Variants in SLC9C1 observed in about 807,000 individuals in gnomAD.
SLC9C1 encodes the protein solute carrier family 9 member C1.
SLC9C1 carries 97 observed loss-of-function variants against 140.9 expected under a neutral mutation model. The ratio of observed to expected loss-of-function variants is 0.69; its 90% confidence interval spans 0.58 to 0.82. The LOEUF (loss-of-function observed/expected upper bound fraction) is 0.82, where lower values mean the gene tolerates loss of function less well. Ranked by LOEUF, SLC9C1 falls within the 40% of genes least tolerant of loss-of-function variation. SLC9C1 has a pLI of 0.00. For synonymous variants in SLC9C1, 440 were observed against 442.6 expected, an observed-to-expected ratio of 0.99 and a Z score of 0.07; for missense variants, 1,340 against 1,389.3, an observed-to-expected ratio of 0.96 and a Z score of 0.56.
intron 24 of SLC9C1, 66 bp from the exon 25 acceptor site, chr3:112,169,128 G>T (rs2077197067): frequency 2.5e-6 from 4 of 1,576,492 alleles, no homozygotes; most frequent in Non-Finnish European, 3.4e-6. Flanking sequence ...TTCATAAATA[G>T]TCAATTATAA....
intron 10 of SLC9C1, among the ~76,000 whole-genome samples, chr3:112,246,238 G>A (rs1361390205): frequency 3.3e-5 from 5 of 152,012 alleles, no homozygotes; most frequent in Non-Finnish European, 7.4e-5. Flanking sequence ...CTGTACAATC[G>A]CTGCTTAGCA....
intron 15 of SLC9C1, among the ~76,000 whole-genome samples, chr3:112,210,395 A>G (rs1425470129): frequency 6.6e-6 from 1 of 152,236 alleles, no homozygotes; most frequent in Non-Finnish European, 1.5e-5. Context: ...AACACATTCT[A>G]TTATGTGGAT....
intron 26 of SLC9C1, among the ~76,000 whole-genome samples, chr3:112,156,701 C>T (rs573678570): frequency 2.0e-5 from 3 of 151,846 alleles, no homozygotes; most frequent in East Asian, 1.9e-4. Flanking sequence ...AATTTTTTGT[C>T]TTTTTGACAG....
At chr3:112,243,945 A>T (rs776793910) in intron 11 of SLC9C1, 50 bp downstream of exon 11, 2 of 1,263,904 alleles carry the variant, frequency 1.6e-6, no homozygotes, top group Non-Finnish European at 2.2e-6. Flanking sequence ...CTTCTTTACC[A>T]TACTTAGAAT....
intron 20 of SLC9C1, among the ~76,000 whole-genome samples, chr3:112,186,858 T>C (rs550504291): frequency 6.6e-6 from 1 of 152,312 alleles, no homozygotes; most frequent in East Asian, 1.9e-4. Flanking sequence ...AGTAGGATGG[T>C]CTTTTTCATA....
chr3:112,165,044 T>G (rs2077093088), intron 26 of SLC9C1, among the ~76,000 whole-genome samples: 1 of 152,268 alleles, frequency 6.6e-6, no homozygotes, highest in Non-Finnish European at 1.5e-5. Context: ...ACTGATATCC[T>G]TTCTTCCAGT....
chr3:112,181,862 A>G (rs534141997), intron 21 of SLC9C1, among the ~76,000 whole-genome samples: 2 of 152,334 alleles, frequency 1.3e-5, no homozygotes, highest in East Asian at 3.9e-4. Flanking sequence ...TTAGAAAAAC[A>G]TGTAATGTGC....
chr3:112,257,219 C>T (rs193287951), intron 10 of SLC9C1, among the ~76,000 whole-genome samples: 2 of 152,068 alleles, frequency 1.3e-5, no homozygotes, highest in East Asian at 3.9e-4. Context: ...CGTATGGAAC[C>T]AAAAAGAGCC....
At chr3:112,223,268 A>G (rs528779772) in intron 13 of SLC9C1, among the ~76,000 whole-genome samples, 15 of 152,280 alleles carry the variant, frequency 9.9e-5, no homozygotes, top group African/African-American at 2.6e-4. Context: ...GAGCTCAGGA[A>G]TTTGAGACCA....
chr3:112,279,602 G>A (rs943676637), intron 3 of SLC9C1, among the ~76,000 whole-genome samples: 6 of 152,148 alleles, frequency 3.9e-5, no homozygotes, highest in Non-Finnish European at 5.9e-5. Context: ...ATTGGCTATG[G>A]CTTATATAGA....
Position 112,233,050 on chromosome 3 carries a change from C to CACACACATAT in SLC9C1, c.1447-1565_1447-1564insATATGTGTGT, listed in dbSNP as rs1326383624. 3.9e-3 allele frequency among the ~76,000 whole-genome samples: 334 copies of CACACACATAT among 86,602 alleles called. 2 individuals are homozygous for CACACACATAT. The highest frequency in any genetic ancestry group is 0.012 in the African/African-American group (317 of 25,502). 56.8% of individuals were successfully genotyped at this position (86,602 alleles called of 152,430 possible). A position where few individuals can be genotyped will look rare whatever the true frequency, so the allele number is the denominator to read the frequency against. ...ATACACACACACACACACACACACA[C>CACACACATAT]ATATATATATATATATATTATATTT... On this transcript the variant is annotated intron_variant, in intron 12 of 28. Coordinates refer to ENST00000305815, the MANE Select transcript of SLC9C1 (RefSeq NM_183061.3).
chr3:112,200,768 G>A lies in SLC9C1; in HGVS notation c.2323-6C>T. The A allele has an allele frequency of 6.2e-7, 1 of 1,603,402 alleles. No individual in the cohort carries two copies. The highest frequency in any genetic ancestry group is 8.5e-7 in the Non-Finnish European group (1 of 1,174,914). ...ATCACTTGCTTTAATAACATCTAAG[G>A]AACAAAAGAAATGTTATCCCCATTG... On this transcript the variant is annotated splice_region_variant and splice_polypyrimidine_tract_variant and intron_variant, in intron 18 of 28. Coordinates refer to ENST00000305815, the MANE Select transcript of SLC9C1 (RefSeq NM_183061.3).
intron 15 of SLC9C1, among the ~76,000 whole-genome samples, chr3:112,215,583 C>A (rs946752709): frequency 2.6e-5 from 4 of 151,882 alleles, no homozygotes; most frequent in African/African-American, 9.7e-5. Flanking sequence ...ACAGCCAAAT[C>A]ATGAGTGAAC....
At chr3:112,199,727 A>C (rs1262712985) in intron 19 of SLC9C1, among the ~76,000 whole-genome samples, 2 of 152,028 alleles carry the variant, frequency 1.3e-5, no homozygotes, top group African/African-American at 4.8e-5. Context: ...TTCTAGGATT[A>C]ACAGGTATAC....
At chr3:112,260,198 G>A (rs2079733698) in intron 10 of SLC9C1, among the ~76,000 whole-genome samples, 1 of 151,962 alleles carries the variant, frequency 6.6e-6, no homozygotes. Flanking sequence ...TATCAACTTA[G>A]AACTTATTTT....
At chr3:112,285,772 AT>A (rs553551252) in intron 2 of SLC9C1, among the ~76,000 whole-genome samples, 10 of 151,436 alleles carry the variant, frequency 6.6e-5, no homozygotes, top group Non-Finnish European at 1.2e-4. Flanking sequence ...TTTACTTTTT[AT>A]TTTTTTTCTT....
At chr3:112,174,746 A>G (rs1331746516) in intron 23 of SLC9C1, among the ~76,000 whole-genome samples, 1 of 152,124 alleles carries the variant, frequency 6.6e-6, no homozygotes, top group Non-Finnish European at 1.5e-5. Flanking sequence ...AGCCACTGCA[A>G]CTGTAGTAGC....
rs140720181 is a variant in SLC9C1 at position 112,212,487 on chromosome 3, T to A, written c.1791-4114A>T. Among the ~76,000 whole-genome samples, 564 of 152,194 alleles carry A rather than the reference T, an allele frequency of 3.7e-3. 4 individuals carry two copies. Among genetic ancestry groups the A allele is most frequent in the African/African-American group, 0.013 (523 of 41,536 alleles). On this transcript the variant is annotated intron_variant, in intron 15 of 28. Coordinates refer to ENST00000305815, the MANE Select transcript of SLC9C1 (RefSeq NM_183061.3). ...AGATTAGACAAATGGCTAACTAGAA[T>A]AACCAGTGTAGAGAAGTCCTTAAAG...
intron 12 of SLC9C1, among the ~76,000 whole-genome samples, chr3:112,232,603 C>T (rs1255849085): frequency 1.3e-5 from 2 of 152,066 alleles, no homozygotes; most frequent in African/African-American, 4.8e-5. Context: ...AATTATCTCA[C>T]CTAAGCACTC....
Sources: allele counts gnomAD v4.1 joint callset (sites outside exome capture counted in the v4.1 genomes callset), GRCh38; gene constraint gnomAD v4.1.1; transcripts MANE v1.5; gene names NCBI Gene and HGNC (gene_info 2026-07-23, HGNC 2026-07-21).